The following CFAP92 variants were observed in gnomAD, a reference collection of about 807,000 sequenced individuals.
The protein encoded by CFAP92 is uncharacterized protein CFAP92.
Under a neutral mutation model 106.3 loss-of-function variants are expected in CFAP92, and 86 were observed. The observed-to-expected ratio is 0.81, with a 90% CI of 0.68 to 0.97. The LOEUF is 0.97. CFAP92 is among the 50% of genes least tolerant of loss of function. CFAP92 has a pLI of 0.00. For synonymous variants in CFAP92, 477 were observed against 506.4 expected, an observed-to-expected ratio of 0.94 and a Z score of 0.78; for missense variants, 1,204 against 1,283.8, an observed-to-expected ratio of 0.94 and a Z score of 0.95.
intron 9 of CFAP92, among the ~76,000 whole-genome samples, chr3:128,957,166 A>G (rs1325151782): frequency 2.0e-5 from 3 of 152,188 alleles, no homozygotes; most frequent in African/African-American, 2.4e-5. Context: ...AGGAAATGAC[A>G]AAAGAAGTCT....
Position 128,963,877 on chromosome 3 carries a change from C to T in CFAP92, c.1353+1634G>A, listed in dbSNP as rs1318768048. Among the ~76,000 whole-genome samples, 3 of 151,538 alleles carry T rather than the reference C, an allele frequency of 2.0e-5. No individual in the cohort carries two copies. The East Asian group carries it at 5.8e-4, about 29-fold the overall frequency. ...CCCCCTCCCTTCCCTACACATCAAG[C>T]TCGAGGATTTGCCCCCACCCAGGAC... On this transcript the variant is annotated intron_variant, in intron 9 of 15. Transcript: ENST00000645291.
chr3:128,973,750 G>A (rs1344054272), intron 7 of CFAP92, among the ~76,000 whole-genome samples: 2 of 152,164 alleles, frequency 1.3e-5, no homozygotes, highest in African/African-American at 4.8e-5. Flanking sequence ...GTGTCCCAGG[G>A]GTCCCACTGG....
rs1235669995 is a variant in CFAP92, at chr3:128,932,820, C to G, written c.2631G>C (p.Glu877Asp). 4.6e-6 allele frequency: 7 copies of G among 1,536,092 alleles called. No homozygotes were observed. In the African/African-American group the frequency reaches 8.2e-5, roughly 18 times the overall value. Residue 877 changes from glutamate (E) to aspartate (D), a missense_variant, in exon 12 of 16, where the codon GAG becomes GAC. Transcript: ENST00000645291. ...GGGTGGAGTTCCGACTGTGGTAGTC[C>G]TCAAGATTGGGGGCAGGCTGAGGTG... Reference protein sequence around the residue: ...ALPPQPAPNLEDYHSRNSTLT... With the variant: ...ALPPQPAPNLDDYHSRNSTLT...
chr3:128,922,654 C>A (rs993090854), intron 12 of CFAP92, among the ~76,000 whole-genome samples: 5 of 152,202 alleles, frequency 3.3e-5, no homozygotes, highest in African/African-American at 1.2e-4. Context: ...CAAAAGACTT[C>A]CATGGGTATC....
Position 128,939,696 on chromosome 3 carries a change from C to T in CFAP92, c.2259-4377G>A, listed in dbSNP as rs554458493. ...GCGGTCCCCAACCTATTTGGTACCA[C>T]GGACTGGTTTCGTGGAAGACAATTT... On this transcript the variant is annotated intron_variant, in intron 10 of 15. Transcript: ENST00000645291. Among the ~76,000 whole-genome samples, 51 of 152,258 alleles carry T rather than the reference C, an allele frequency of 3.3e-4. 1 individual carries two copies. Among genetic ancestry groups the T allele is most frequent in the Middle Eastern group, 3.4e-3 (1 of 294 alleles).
At chr3:129,002,099 G>T in intron 1 of CFAP92, 1 of 1,507,188 alleles carries the variant, frequency 6.6e-7, no homozygotes, top group Non-Finnish European at 8.8e-7. Flanking sequence ...GCACCCGTGC[G>T]GGGCCCCGGC....
chr3:128,920,872 G>C (rs527301875), intron 12 of CFAP92, among the ~76,000 whole-genome samples: 1 of 152,350 alleles, frequency 6.6e-6, no homozygotes, highest in South Asian at 2.1e-4. Context: ...AAGGCTCATA[G>C]ATCGATTGTG....
chr3:128,920,423 A>G (rs1937173842), intron 12 of CFAP92, among the ~76,000 whole-genome samples: 1 of 152,210 alleles, frequency 6.6e-6, no homozygotes, highest in South Asian at 2.1e-4. Flanking sequence ...AAATTAAAAT[A>G]ATTATGATTA....
intron 3 of CFAP92, among the ~76,000 whole-genome samples, chr3:128,988,338 C>T (rs773875397): frequency 1.2e-4 from 19 of 152,130 alleles, no homozygotes; most frequent in South Asian, 4.1e-4. Flanking sequence ...GTCAGGAGTT[C>T]GAAGCCAGCC....
rs750899715 is a variant in CFAP92 at position 128,910,103 on chromosome 3, G to A, written c.*196C>T. ...TATGGCATGACGGCCGTGCTGTCGC[G>A]GGCCAGCCGCTCCATCCGCATTGGG... On this transcript the variant is annotated 3_prime_UTR_variant, in exon 16 of 16. Transcript: ENST00000645291. The A allele has an allele frequency of 7.4e-6, 12 of 1,613,710 alleles. No individual in the cohort carries two copies. The highest frequency in any genetic ancestry group is 2.2e-5 in the East Asian group (1 of 44,896).
chr3:128,954,921 T>G (rs1178770820), intron 9 of CFAP92, among the ~76,000 whole-genome samples: 6 of 9,710 alleles, frequency 6.2e-4, no homozygotes, highest in Non-Finnish European at 9.1e-4. Flanking sequence ...GAGGTGGGGG[T>G]GTCGGCCCCC....
At chr3:128,944,260 A>G (rs1161980946) in intron 10 of CFAP92, among the ~76,000 whole-genome samples, 1 of 151,776 alleles carries the variant, frequency 6.6e-6, no homozygotes, top group Admixed American at 6.6e-5. Context: ...TATTATACAT[A>G]ATGCTGCTGT....
At chr3:128,994,529 A>G (rs1228282849), upstream of CFAP92, among the ~76,000 whole-genome samples, 1 of 151,308 alleles carries the variant, frequency 6.6e-6, no homozygotes, top group Admixed American at 6.6e-5. Flanking sequence ...GATCCCTCTC[A>G]TTAGATTCTC....
upstream of CFAP92, chr3:129,003,982 C>T: frequency 6.7e-7 from 1 of 1,496,634 alleles, no homozygotes; most frequent in South Asian, 1.2e-5. Context: ...TGCTGCGCAG[C>T]CTGCACCGCG....
rs367896056 is a variant in CFAP92, at chr3:128,951,236, G to GA, written c.1354-5262dup. On this transcript the variant is annotated intron_variant, in intron 9 of 15. Transcript: ENST00000645291. ...GGTGACAGAGCGAGACTCCATCTCA[G>GA]AAAAAAAAAAAAGGAAAGCCCAGGA... 1.1e-3 allele frequency among the ~76,000 whole-genome samples: 135 copies of GA among 120,796 alleles called. No homozygotes were observed. The Middle Eastern group carries it at 0.017, about 15-fold the overall frequency. 79.2% of individuals were successfully genotyped at this position (120,796 alleles called of 152,430 possible). A position where few individuals can be genotyped will look rare whatever the true frequency, so the allele number is the denominator to read the frequency against.
chr3:128,935,063 G>T, intron 11 of CFAP92, 62 bp downstream of exon 11: 1 of 1,337,590 alleles, frequency 7.5e-7, no homozygotes, highest in South Asian at 1.5e-5. Context: ...TTTGGGTGCA[G>T]AGTGTTAAGA....
intron 2 of CFAP92, among the ~76,000 whole-genome samples, chr3:128,989,182 T>A (rs1258117184): frequency 2.0e-5 from 3 of 150,898 alleles, no homozygotes; most frequent in Non-Finnish European, 4.4e-5. Context: ...AGGCCTAGGG[T>A]TAAAAAGGTG....
Position 128,945,440 on chromosome 3 carries a change from G to C in CFAP92, c.1889C>G (p.Ser630Cys). 7 of 1,536,176 alleles carry C rather than the reference G, an allele frequency of 4.6e-6. No individual in the cohort carries two copies. Among genetic ancestry groups the C allele is most frequent in the Non-Finnish European group, 6.1e-6 (7 of 1,146,918 alleles). ...MPRGNYLEAD[S>C]QLKLRVDIAV... ...GATGTCCACTCGCAACTTGAGCTGGGAGTCAGCCTCTAGGTAGTTGCCCCT... is the reference window on the plus strand; with the variant it reads ...GATGTCCACTCGCAACTTGAGCTGGCAGTCAGCCTCTAGGTAGTTGCCCCT... Residue 630 changes from serine (S) to cysteine (C), a missense_variant, in exon 10 of 16, where the codon TCC (serine) becomes TGC (cysteine). Physicochemically the swap from Ser to Cys is moderately radical, Grantham distance 112. Coordinates refer to ENST00000645291, the MANE Select transcript of CFAP92 (RefSeq NM_001394090.1).
chr3:128,961,108 T>C (rs1199505275), intron 9 of CFAP92, among the ~76,000 whole-genome samples: 1 of 152,216 alleles, frequency 6.6e-6, no homozygotes, highest in Non-Finnish European at 1.5e-5. Context: ...GCAATGCCGC[T>C]TGACCCCAAT....
Sources: allele counts gnomAD v4.1 joint callset (sites outside exome capture counted in the v4.1 genomes callset), GRCh38; gene constraint gnomAD v4.1.1; transcripts MANE v1.5; gene names NCBI Gene and HGNC (gene_info 2026-07-23, HGNC 2026-07-21).